Variants in COP1 observed in about 807,000 individuals in gnomAD.
The protein encoded by COP1 is COP1 E3 ubiquitin ligase.
Under a neutral mutation model 101.3 loss-of-function variants are expected in COP1, and 24 were observed. The observed-to-expected ratio is 0.24, with a 90% CI of 0.17 to 0.33. COP1 has a LOEUF of 0.33. Ranked by LOEUF, COP1 falls within the 10% of genes least tolerant of loss-of-function variation. The probability of loss-of-function intolerance (pLI) is 1.00; values close to 1 mark genes in which losing one functional copy is unlikely to be tolerated. For missense variants in COP1, 663 were observed against 906.2 expected (o/e 0.73, Z 3.45); for synonymous variants, 347 against 341.9 (o/e 1.01, Z -0.17).
In COP1 at chr1:176,010,170, C is replaced by G. The variant is rs566933077; in HGVS notation, c.1729+17402G>C. 2.0e-5 allele frequency among the ~76,000 whole-genome samples: 3 copies of G among 151,262 alleles called. No individual in the cohort carries two copies. The East Asian group carries it at 5.8e-4, about 29-fold the overall frequency. ...CCCAAACACACACCGCCTCTTGTCT[C>G]TCTCTCTCTCTGCCCCCTGTACCGC... On this transcript the variant is annotated intron_variant, in intron 15 of 19. Transcript: ENST00000367669.
chr1:176,107,812 G>A (rs978137676), intron 9 of COP1, among the ~76,000 whole-genome samples: 5 of 152,064 alleles, frequency 3.3e-5, no homozygotes, highest in Admixed American at 3.3e-4. Flanking sequence ...AACTAAGGAG[G>A]ACAAAATAGG....
chr1:176,107,961 A>G (rs1311172830), intron 9 of COP1, among the ~76,000 whole-genome samples: 2 of 152,186 alleles, frequency 1.3e-5, no homozygotes, highest in Admixed American at 6.5e-5. Context: ...GAAGAACTGT[A>G]CCAATTTAGA....
Position 176,197,536 on chromosome 1 carries a change from T to C in COP1, c.407+9036A>G, listed in dbSNP as rs1019707406. On this transcript the variant is annotated intron_variant, in intron 1 of 19. Coordinates refer to ENST00000367669, the MANE Select transcript of COP1 (RefSeq NM_022457.7). Reference sequence around the variant, plus strand: ...TCTGTTGTTTAAGCCACCTAGTCTGTTGTATTTTGTTACGGCAGCCCAAGC... The same window carrying C: ...TCTGTTGTTTAAGCCACCTAGTCTGCTGTATTTTGTTACGGCAGCCCAAGC... Among the ~76,000 whole-genome samples, 15 of 152,180 alleles carry C rather than the reference T, an allele frequency of 9.9e-5. 2 individuals are homozygous for C. Among genetic ancestry groups the C allele is most frequent in the Admixed American group, 9.2e-4 (14 of 15,276 alleles).
chr1:176,042,462 G>T (rs1263837350), intron 14 of COP1, among the ~76,000 whole-genome samples: 1 of 136,544 alleles, frequency 7.3e-6, no homozygotes, highest in Non-Finnish European at 1.6e-5. Flanking sequence ...ACTCGGGAGG[G>T]TGAGGCAGGA....
intron 5 of COP1, among the ~76,000 whole-genome samples, chr1:176,151,456 T>C (rs1692578533): frequency 6.6e-6 from 1 of 152,140 alleles, no homozygotes; most frequent in Admixed American, 6.5e-5. Context: ...CTCAGTACTC[T>C]ACAATACAGC....
At chr1:176,062,807 C>G (rs1675116274) in intron 11 of COP1, among the ~76,000 whole-genome samples, 2 of 151,982 alleles carry the variant, frequency 1.3e-5, no homozygotes, top group African/African-American at 4.8e-5. Flanking sequence ...CAATAAAATA[C>G]TACTCAATAA....
At chr1:175,983,467 A>G (rs1336204203) in intron 18 of COP1, among the ~76,000 whole-genome samples, 2 of 152,198 alleles carry the variant, frequency 1.3e-5, no homozygotes, top group Admixed American at 1.3e-4. Flanking sequence ...GCCATGTGGA[A>G]CTGCGAGTCC....
chr1:175,974,160 G>A (rs1653945098), intron 18 of COP1, among the ~76,000 whole-genome samples: 1 of 152,138 alleles, frequency 6.6e-6, no homozygotes, highest in Non-Finnish European at 1.5e-5. Flanking sequence ...TAAACTAAAT[G>A]GCAGGAGCTT....
At chr1:176,168,076 G>T (rs375512733) in intron 3 of COP1, among the ~76,000 whole-genome samples, 6,339 of 144,092 alleles carry the variant, frequency 0.044, 153 homozygotes, top group Non-Finnish European at 0.049. Flanking sequence ...TTTTTTTTTT[G>T]AAACAGAGTC....
intron 9 of COP1, 43 bp from the exon 10 acceptor site, chr1:176,085,933 C>T (rs776359050): frequency 1.8e-6 from 2 of 1,109,160 alleles, no homozygotes; most frequent in Non-Finnish European, 1.3e-6. Context: ...ATAAACAATA[C>T]TCTTCTTTTG....
At chr1:176,007,182 T>C (rs1025217162) in intron 15 of COP1, among the ~76,000 whole-genome samples, 11 of 151,880 alleles carry the variant, frequency 7.2e-5, no homozygotes, top group African/African-American at 1.7e-4. Flanking sequence ...CGAGCCTTGG[T>C]TTTCAGCTCC....
At chr1:175,995,243 G>T (rs1454245961) in intron 15 of COP1, among the ~76,000 whole-genome samples, 1 of 152,176 alleles carries the variant, frequency 6.6e-6, no homozygotes, top group Non-Finnish European at 1.5e-5. Context: ...CACATTCAAA[G>T]CAGTCTGTAG....
At chr1:176,168,121 G>A (rs956560240) in intron 3 of COP1, among the ~76,000 whole-genome samples, 4 of 151,536 alleles carry the variant, frequency 2.6e-5, no homozygotes, top group Admixed American at 1.3e-4. Context: ...GCAATGGTGC[G>A]ATCTCGGCTC....
At chr1:176,080,350 T>C (rs1050406266) in intron 11 of COP1, among the ~76,000 whole-genome samples, 1 of 152,062 alleles carries the variant, frequency 6.6e-6, no homozygotes, top group Non-Finnish European at 1.5e-5. Flanking sequence ...ACCTCAATTT[T>C]TATCTTAAGA....
chr1:176,095,865 T>C (rs1044993561), intron 9 of COP1, among the ~76,000 whole-genome samples: 2 of 152,080 alleles, frequency 1.3e-5, no homozygotes, highest in Admixed American at 6.6e-5. Flanking sequence ...AAAAAACATA[T>C]AAAAATCTGT....
At chr1:176,007,044 ATTTCT>A (rs1663436369) in intron 15 of COP1, among the ~76,000 whole-genome samples, 1 of 151,962 alleles carries the variant, frequency 6.6e-6, no homozygotes, top group Non-Finnish European at 1.5e-5. Flanking sequence ...GGCTTTGCTC[ATTTCT>A]TTTTATTCTT....
At chr1:176,088,154 A>C (rs1305108232) in intron 9 of COP1, among the ~76,000 whole-genome samples, 1 of 152,060 alleles carries the variant, frequency 6.6e-6, no homozygotes, top group African/African-American at 2.4e-5. Context: ...ACCTAATGTA[A>C]ATGACGAGTT....
chr1:176,093,909 G>C (rs1012035247), intron 9 of COP1, among the ~76,000 whole-genome samples: 2 of 152,024 alleles, frequency 1.3e-5, no homozygotes, highest in African/African-American at 4.8e-5. Context: ...TGTAGTCCCA[G>C]CTACTCGGGA....
intron 1 of COP1, among the ~76,000 whole-genome samples, chr1:176,189,149 A>G (rs983339177): frequency 6.6e-6 from 1 of 152,176 alleles, no homozygotes; most frequent in Admixed American, 6.5e-5. Flanking sequence ...AAGACACATT[A>G]CATGCAGAGG....
Sources: gnomAD v4.1 joint callset for allele counts (sites outside exome capture counted in the v4.1 genomes callset) on GRCh38, gnomAD v4.1.1 for gene constraint, MANE v1.5 for transcripts, NCBI Gene and HGNC (gene_info 2026-07-23, HGNC 2026-07-21) for gene names.